Variants in ZNF724 observed in about 807,000 individuals in gnomAD.
The protein encoded by ZNF724 is zinc finger protein 724.
A neutral mutation model predicts 29.3 loss-of-function variants in ZNF724; 14 were observed. The ratio of observed to expected loss-of-function variants is 0.48; its 90% CI spans 0.32 to 0.75. The LOEUF is 0.75. ZNF724 is among the 30% of genes least tolerant of loss of function. ZNF724 has a pLI of 0.04. For synonymous variants in ZNF724, 180 were observed against 193.6 expected, an observed-to-expected ratio of 0.93 and a Z score of 0.58; for missense variants, 557 against 571.2, an observed-to-expected ratio of 0.98 and a Z score of 0.25.
In ZNF724 at chr19:23,231,254, A is replaced by G. The variant is rs759593673; in HGVS notation, c.226+12T>C. The G allele has an allele frequency of 2.3e-6, 3 of 1,312,394 alleles. No individual in the cohort carries two copies. Among genetic ancestry groups the G allele is most frequent in the Non-Finnish European group, 3.3e-6 (3 of 921,202 alleles). 81.3% of individuals were successfully genotyped at this position (1,312,394 alleles called of 1,614,324 possible). A position where few individuals can be genotyped will look rare whatever the true frequency, so the allele number is the denominator to read the frequency against. On this transcript the variant is annotated intron_variant, in intron 3 of 3. Coordinates refer to ENST00000418100, the MANE Select transcript of ZNF724 (RefSeq NM_001355404.2). ...CTCATCTGTGTCATCTGTCATATTC[A>G]CTCTCACCTACCTGGGGGTTTGGCC...
At position 23,232,173 on chromosome 19, in the gene ZNF724, A is replaced by G; in HGVS notation, c.124T>C (p.Phe42Leu). The G allele has an allele frequency of 7.4e-7, 1 of 1,345,526 alleles. No homozygotes were observed. The highest frequency in any genetic ancestry group is 1.1e-6 in the Non-Finnish European group (1 of 935,914). 83.3% of individuals were successfully genotyped at this position (1,345,526 alleles called of 1,614,324 possible). A position where few individuals can be genotyped will look rare whatever the true frequency, so the allele number is the denominator to read the frequency against. The change falls in exon 2 of 4, where the codon TTC (phenylalanine) becomes CTC (leucine). Residue 42 changes from phenylalanine (F) to leucine (L), a missense_variant. By Grantham distance (22) the Phe-to-Leu change is conservative. This residue lies in a region of ZNF724 where 25 missense variants were observed against 54.9 expected (regional missense o/e 0.46). Transcript: ENST00000418100. ...VMLENYRNLVFLGIAVSKPDL... is the reference protein window; with the variant it reads ...VMLENYRNLVLLGIAVSKPDL... ...GTATTGAAGTTATTCTCACCCAGGAAGACCAGGTTTCTGTAGTTCTCTAAC... is the reference window on the plus strand; with the variant it reads ...GTATTGAAGTTATTCTCACCCAGGAGGACCAGGTTTCTGTAGTTCTCTAAC...
At chr19:23,241,050 CAACAAA>C (rs988380691) in intron 1 of ZNF724, among the ~76,000 whole-genome samples, 1 of 150,732 alleles carries the variant, frequency 6.6e-6, no homozygotes, top group Non-Finnish European at 1.5e-5. Flanking sequence ...ACAACAACAA[CAACAAA>C]AAAAAAAGAC....
intron 2 of ZNF724, 116 bp downstream of exon 2, chr19:23,232,051 A>G: frequency 9.5e-6 from 9 of 943,772 alleles, no homozygotes; most frequent in Non-Finnish European, 1.5e-5. Flanking sequence ...AGATTTTCTT[A>G]GAAATAGAGA....
At chr19:23,234,443 C>T (rs1471770131) in intron 1 of ZNF724, among the ~76,000 whole-genome samples, 1 of 151,960 alleles carries the variant, frequency 6.6e-6, no homozygotes, top group Non-Finnish European at 1.5e-5. Flanking sequence ...TTTAGCTAAG[C>T]ATTGCCTTGC....
intron 1 of ZNF724, chr19:23,236,855 TTTTTA>T (rs946064071): frequency 6.6e-5 from 10 of 151,978 alleles, no homozygotes; most frequent in Admixed American, 3.9e-4. Context: ...CTCCTTTTTA[TTTTTA>T]TTTTTTTTTT....
intron 3 of ZNF724, among the ~76,000 whole-genome samples, chr19:23,228,868 C>G (rs3851026): frequency 1.4e-5 from 2 of 148,080 alleles, no homozygotes; most frequent in African/African-American, 2.5e-5. Flanking sequence ...CCAGCCTGGG[C>G]GACAGAGCGA....
intron 1 of ZNF724, among the ~76,000 whole-genome samples, chr19:23,233,274 AAT>A (rs1449897939): frequency 2.0e-5 from 3 of 152,320 alleles, no homozygotes; most frequent in African/African-American, 4.8e-5. Context: ...TGTAATTTTT[AAT>A]AGTGATTTTA....
intron 1 of ZNF724, among the ~76,000 whole-genome samples, chr19:23,243,039 CAAAAAA>C (rs762188669): frequency 3.4e-4 from 38 of 112,222 alleles, no homozygotes; most frequent in South Asian, 8.4e-4. Flanking sequence ...AACTCCATCT[CAAAAAA>C]AAAAAAAAAA....
At chr19:23,233,656 A>AT (rs1971977023) in intron 1 of ZNF724, among the ~76,000 whole-genome samples, 1 of 152,206 alleles carries the variant, frequency 6.6e-6, no homozygotes, top group Non-Finnish European at 1.5e-5. Context: ...CTTGATTATC[A>AT]TAAGAATTTT....
intron 1 of ZNF724, among the ~76,000 whole-genome samples, chr19:23,245,395 C>A (rs1408508572): frequency 6.6e-6 from 1 of 152,134 alleles, no homozygotes; most frequent in Non-Finnish European, 1.5e-5. Context: ...AGGTGGATCA[C>A]GAGGTCAGGA....
At chr19:23,249,944 C>G (rs1972319796) in intron 1 of ZNF724, among the ~76,000 whole-genome samples, 1 of 152,228 alleles carries the variant, frequency 6.6e-6, no homozygotes, top group Non-Finnish European at 1.5e-5. Context: ...ACTACCCTCC[C>G]TTGGTCCCTG....
At chr19:23,249,659 A>G (rs1225961379) in intron 1 of ZNF724, among the ~76,000 whole-genome samples, 1 of 151,804 alleles carries the variant, frequency 6.6e-6, no homozygotes, top group Non-Finnish European at 1.5e-5. Context: ...TCGGCCTCCC[A>G]AAGTGCTAGC....
intron 1 of ZNF724, among the ~76,000 whole-genome samples, chr19:23,238,170 C>T (rs909500469): frequency 6.6e-6 from 1 of 151,864 alleles, no homozygotes; most frequent in Non-Finnish European, 1.5e-5. Context: ...TGGAGACCAT[C>T]CTGGCTAACA....
In ZNF724 at chr19:23,222,259, T is replaced by C; in HGVS notation, c.*126A>G. 1 of 611,910 alleles carries C rather than the reference T, an allele frequency of 1.6e-6. No homozygotes were observed. 37.9% of individuals were successfully genotyped at this position (611,910 alleles called of 1,614,324 possible). The stretch of plus-strand genomic sequence containing the variant: ...TGTTATATCTTTCAGGTTTGTACGG[T>C]TTCTCTCCAGTAATTCTCTTCGTTG... On this transcript the variant is annotated 3_prime_UTR_variant, in exon 4 of 4. Coordinates refer to ENST00000418100, the MANE Select transcript of ZNF724 (RefSeq NM_001355404.2).
intron 1 of ZNF724, among the ~76,000 whole-genome samples, chr19:23,246,378 C>T (rs1056323180): frequency 6.6e-6 from 1 of 152,080 alleles, no homozygotes; most frequent in Admixed American, 6.6e-5. Flanking sequence ...TAGCATCGGC[C>T]GGGCGCAGTG....
chr19:23,244,989 A>T (rs749669500), intron 1 of ZNF724, among the ~76,000 whole-genome samples: 22 of 152,216 alleles, frequency 1.4e-4, no homozygotes, highest in Non-Finnish European at 2.6e-4. Flanking sequence ...AGAGGTGGGG[A>T]GAGATGAAGC....
rs759757440 is a variant in ZNF724, at chr19:23,223,208, G to T, written c.1037C>A (p.Ala346Asp). Residue 346 changes from alanine (A) to aspartate (D), a missense_variant, in exon 4 of 4, where the codon GCC becomes GAC. Physicochemically the swap from Ala to Asp is moderately radical, Grantham distance 126. Around this residue, in one of 3 missense-constraint regions of ZNF724, gnomAD observed 362 missense variants for 295.5 expected, o/e 1.22. Transcript: ENST00000418100. Reference sequence around the variant, plus strand: ...AGTAAGGGTTGAGGACACATTAAAGGCTTTGCCACATTCTTCACATTTATA... The same window carrying T: ...AGTAAGGGTTGAGGACACATTAAAGTCTTTGCCACATTCTTCACATTTATA... ...KPYKCEECGK[A>D]FNVSSTLTQH... is the part of the protein sequence containing the mutation. 1 of 1,061,620 alleles carries T rather than the reference G, an allele frequency of 9.4e-7. No individual in the cohort carries two copies. Among genetic ancestry groups the T allele is most frequent in the Non-Finnish European group, 1.5e-6 (1 of 677,896 alleles). 65.8% of individuals were successfully genotyped at this position (1,061,620 alleles called of 1,614,324 possible). A position where few individuals can be genotyped will look rare whatever the true frequency, so the allele number is the denominator to read the frequency against.
intron 3 of ZNF724, among the ~76,000 whole-genome samples, chr19:23,226,128 T>C (rs957152657): frequency 2.0e-5 from 3 of 147,410 alleles, no homozygotes; most frequent in Non-Finnish European, 4.5e-5. Flanking sequence ...CTCGGCTCAC[T>C]GCAAGCTCTA....
intron 1 of ZNF724, among the ~76,000 whole-genome samples, chr19:23,244,495 G>A (rs1972202300): frequency 6.6e-6 from 1 of 152,132 alleles, no homozygotes; most frequent in Non-Finnish European, 1.5e-5. Context: ...CTCACTCTAA[G>A]AGAAGACCTG....
Sources: gnomAD v4.1 joint callset for allele counts (sites outside exome capture counted in the v4.1 genomes callset) on GRCh38, gnomAD v4.1.1 for gene constraint, gnomAD v4.1.1 regional missense constraint, MANE v1.5 for transcripts, NCBI Gene and HGNC (gene_info 2026-07-23, HGNC 2026-07-21) for gene names.